DMXL2: variants seen among roughly 807,000 people sequenced by gnomAD.
The protein encoded by DMXL2 is dmX-like protein 2.
A neutral mutation model predicts 331.1 loss-of-function variants in DMXL2; 103 were observed. The ratio of observed to expected loss-of-function variants is 0.31; its 90% confidence interval spans 0.27 to 0.37. The LOEUF is 0.37. Among genes scored for constraint, DMXL2 ranks in the 10% least tolerant of loss-of-function variants. The pLI is 1.00. For missense variants in DMXL2, 3,171 were observed against 3,642.9 expected (o/e 0.87, Z 3.33); for synonymous variants, 1,281 against 1,252.1 (o/e 1.02, Z -0.49).
At chr15:51,565,756 T>C (rs1207246379) in intron 3 of DMXL2, among the ~76,000 whole-genome samples, 1 of 152,182 alleles carries the variant, frequency 6.6e-6, no homozygotes, top group South Asian at 2.1e-4. Flanking sequence ...TAAAATGTCC[T>C]TTTGTGAGAG....
intron 29 of DMXL2, among the ~76,000 whole-genome samples, chr15:51,469,566 T>C (rs2040905350): frequency 1.3e-5 from 2 of 152,256 alleles, no homozygotes; most frequent in African/African-American, 2.4e-5. Flanking sequence ...GTTATCTTTG[T>C]TGCACAGATG....
At chr15:51,588,679 A>G (rs7163163) in intron 1 of DMXL2, among the ~76,000 whole-genome samples, 4,024 of 152,276 alleles carry the variant, frequency 0.026, 178 homozygotes, top group African/African-American at 0.091. Flanking sequence ...GTGTCCCAAA[A>G]ACTTTGCTCA....
intron 1 of DMXL2, among the ~76,000 whole-genome samples, chr15:51,593,355 G>C (rs1179289501): frequency 6.6e-6 from 1 of 152,188 alleles, no homozygotes; most frequent in Non-Finnish European, 1.5e-5. Context: ...AATTCAACAA[G>C]AAGAGCTAAC....
intron 2 of DMXL2, among the ~76,000 whole-genome samples, chr15:51,569,329 T>G (rs1318425692): frequency 6.6e-6 from 1 of 152,124 alleles, no homozygotes; most frequent in African/African-American, 2.4e-5. Context: ...GCTGGGAAGT[T>G]TGAACTGGGT....
At chr15:51,575,242 G>A (rs1395708192) in intron 2 of DMXL2, among the ~76,000 whole-genome samples, 2 of 152,060 alleles carry the variant, frequency 1.3e-5, no homozygotes, top group Admixed American at 6.6e-5. Flanking sequence ...GTATAAATTT[G>A]TATGATTACT....
chr15:51,583,445 A>T (rs2051625412), intron 1 of DMXL2, among the ~76,000 whole-genome samples: 2 of 53,920 alleles, frequency 3.7e-5, no homozygotes, highest in Non-Finnish European at 7.5e-5. Context: ...GTCCCTACAA[A>T]GGATATGAAC....
At chr15:51,449,331 C>G (rs1174893665) in intron 43 of DMXL2, 138 bp from the exon 44 acceptor site, 20 of 711,906 alleles carry the variant, frequency 2.8e-5, no homozygotes, top group Non-Finnish European at 3.3e-5. Flanking sequence ...AAGAGCTTAT[C>G]TAAGTGGGAA....
At position 51,459,610 on chromosome 15, in the gene DMXL2, A is replaced by C. The variant is rs1029727239; in HGVS notation, c.7977T>G (p.Asp2659Glu). 7.8e-7 allele frequency: 1 copy of C among 1,289,862 alleles called. No homozygotes were observed. The highest frequency in any genetic ancestry group is 1.0e-6 in the Non-Finnish European group (1 of 988,874). 79.9% of individuals were successfully genotyped at this position (1,289,862 alleles called of 1,614,324 possible). The change falls in exon 34 of 44, where the codon GAT (aspartate) becomes GAG (glutamate). Residue 2659 changes from aspartate (D) to glutamate (E), a missense_variant. By Grantham distance (45) the Asp-to-Glu change is conservative. This residue lies in a region of DMXL2 where 766 missense variants were observed against 940.5 expected (regional missense o/e 0.81). Transcript: ENST00000560891. ...EQVNQNCIAE[D>E]CHIKVEADLG... ...CTTGGAATACTACCTTGATGTGGCA[A>C]TCTTCTGCTATGCAGTTTTGGTTGA...
rs1790404614 is a variant in DMXL2, at chr15:51,447,877, T to C, written c.*1107A>G. The stretch of plus-strand genomic sequence containing the variant: ...TCAGAGAAAGTTACTTTTATGCCAT[T>C]GTATTTACTATTTACCACACAGGCA... On this transcript the variant is annotated 3_prime_UTR_variant, in exon 44 of 44. Transcript: ENST00000560891. The C allele has an allele frequency of 6.5e-6, 1 of 152,696 alleles. No homozygotes were observed. Among genetic ancestry groups the C allele is most frequent in the Non-Finnish European group, 1.5e-5 (1 of 68,048 alleles). The allele number at this position is 152,696 out of a possible 1,614,324, so 9.5% of individuals were successfully genotyped here. A position where few individuals can be genotyped will look rare whatever the true frequency, so the allele number is the denominator to read the frequency against.
At chr15:51,487,726 G>A (rs971702437) in intron 22 of DMXL2, among the ~76,000 whole-genome samples, 1 of 152,190 alleles carries the variant, frequency 6.6e-6, no homozygotes, top group East Asian at 1.9e-4. Context: ...CCAAAGAGCT[G>A]GGATTACAGG....
intron 1 of DMXL2, among the ~76,000 whole-genome samples, chr15:51,606,927 G>C (rs1045445210): frequency 1.3e-5 from 2 of 152,148 alleles, no homozygotes; most frequent in African/African-American, 4.8e-5. Flanking sequence ...CGGAGGCCAA[G>C]GTGGGCAGAT....
chr15:51,531,930 T>C (rs1838410550), intron 13 of DMXL2, among the ~76,000 whole-genome samples: 2 of 152,298 alleles, frequency 1.3e-5, no homozygotes, highest in African/African-American at 4.8e-5. Context: ...GGTGGGAATG[T>C]AAATTAGTAC....
At chr15:51,577,592 G>A (rs916477732) in intron 1 of DMXL2, among the ~76,000 whole-genome samples, 1 of 152,128 alleles carries the variant, frequency 6.6e-6, no homozygotes, top group Non-Finnish European at 1.5e-5. Flanking sequence ...CAAACTGAAG[G>A]GGAATATTGA....
chr15:51,554,960 C>T (rs1483389201), intron 6 of DMXL2, among the ~76,000 whole-genome samples: 1 of 152,144 alleles, frequency 6.6e-6, no homozygotes, highest in Non-Finnish European at 1.5e-5. Context: ...GAGTTCGAGA[C>T]CAGCCTGGCC....
At chr15:51,515,206 T>C (rs1411927251) in intron 14 of DMXL2, among the ~76,000 whole-genome samples, 2 of 152,056 alleles carry the variant, frequency 1.3e-5, no homozygotes, top group African/African-American at 4.8e-5. Flanking sequence ...TTTAAGACTA[T>C]CACGAATGGC....
In DMXL2 at chr15:51,502,808, G is replaced by A. The variant is rs1434900068; in HGVS notation, c.2990C>T (p.Ala997Val). Reference protein sequence around the residue: ...SVEVIRATPSAGHLSSSSIYP... With the variant: ...SVEVIRATPSVGHLSSSSIYP... ...GCCCAGTCTTAAAGTGACCTTACCT[G>A]CTGAAGGCGTTGCTCTTATTACTTC... The change falls in exon 17 of 44, where the codon GCA becomes GTA. Residue 997 changes from alanine to valine, a missense_variant and splice_region_variant. Coordinates refer to ENST00000560891, the MANE Select transcript of DMXL2 (RefSeq NM_001378457.1). 1.9e-6 allele frequency: 3 copies of A among 1,612,178 alleles called. No individual in the cohort carries two copies. Among genetic ancestry groups the A allele is most frequent in the Non-Finnish European group, 2.5e-6 (3 of 1,178,252 alleles).
At chr15:51,593,288 T>TCA in intron 1 of DMXL2, among the ~76,000 whole-genome samples, 1 of 152,142 alleles carries the variant, frequency 6.6e-6, no homozygotes, top group Non-Finnish European at 1.5e-5. Flanking sequence ...AAACAGACTT[T>TCA]AAACCAACAA....
At chr15:51,601,811 G>C (rs2053246925) in intron 1 of DMXL2, among the ~76,000 whole-genome samples, 1 of 152,096 alleles carries the variant, frequency 6.6e-6, no homozygotes, top group Non-Finnish European at 1.5e-5. Context: ...ATGCATCAAA[G>C]ATACATAAAT....
intron 13 of DMXL2, among the ~76,000 whole-genome samples, chr15:51,517,648 C>T (rs150248881): frequency 6.6e-6 from 1 of 152,324 alleles, no homozygotes; most frequent in African/African-American, 2.4e-5. Context: ...AACAGTCCTC[C>T]TCACCCATGT....
Sources: gnomAD v4.1 joint callset for allele counts (sites outside exome capture counted in the v4.1 genomes callset) on GRCh38, gnomAD v4.1.1 for gene constraint, gnomAD v4.1.1 regional missense constraint, MANE v1.5 for transcripts, NCBI Gene and HGNC (gene_info 2026-07-23, HGNC 2026-07-21) for gene names.